Variants in SERPINB5 observed in about 807,000 individuals in gnomAD.
SERPINB5 encodes serpin family B member 5, also known as serpin B5.
Under a neutral mutation model 32.2 loss-of-function variants are expected in SERPINB5, and 27 were observed. The ratio of observed to expected loss-of-function variants is 0.84; its 90% CI spans 0.62 to 1.16. The LOEUF (loss-of-function observed/expected upper bound fraction) is 1.16. Ranked by LOEUF, SERPINB5 falls within the 50% of genes most tolerant of loss-of-function variation. The probability of loss-of-function intolerance (pLI) is 0.00; values close to 1 mark genes in which losing one functional copy is unlikely to be tolerated. For synonymous variants in SERPINB5, 154 were observed against 157.4 expected, an observed-to-expected ratio of 0.98 and a Z score of 0.16; for missense variants, 388 against 436.3, an observed-to-expected ratio of 0.89 and a Z score of 0.99.
chr18:63,488,158 G>C (rs550853887), intron 3 of SERPINB5, among the ~76,000 whole-genome samples: 75 of 152,190 alleles, frequency 4.9e-4, no homozygotes, highest in Non-Finnish European at 1.0e-3. Flanking sequence ...ATCTGGCTGA[G>C]GCTTTCTAAT....
At chr18:63,480,448 A>T (rs1038154551) in intron 1 of SERPINB5, among the ~76,000 whole-genome samples, 1 of 152,248 alleles carries the variant, frequency 6.6e-6, no homozygotes, top group Non-Finnish European at 1.5e-5. Flanking sequence ...GAATGAAAAA[A>T]AATTTGTAGC....
intron 5 of SERPINB5, among the ~76,000 whole-genome samples, chr18:63,495,019 T>G (rs1195079060): frequency 6.6e-6 from 1 of 152,192 alleles, no homozygotes; most frequent in Non-Finnish European, 1.5e-5. Context: ...CAAGACCCAT[T>G]GGGCATTTTC....
At chr18:63,503,204 T>A in intron 6 of SERPINB5, 126 bp from the exon 7 acceptor site, 3 of 1,067,708 alleles carry the variant, frequency 2.8e-6, no homozygotes, top group Non-Finnish European at 3.9e-6. Flanking sequence ...TTCTGGGCCA[T>A]CTTTGATGTT....
chr18:63,488,028 A>T (rs1367502142), intron 3 of SERPINB5, among the ~76,000 whole-genome samples: 1 of 152,156 alleles, frequency 6.6e-6, no homozygotes, highest in Non-Finnish European at 1.5e-5. Context: ...TAAAAAAAAA[A>T]ACTGAGATGT....
At chr18:63,478,067 CAGTT>C (rs1325578491) in intron 1 of SERPINB5, among the ~76,000 whole-genome samples, 37 of 152,182 alleles carry the variant, frequency 2.4e-4, no homozygotes, top group Admixed American at 2.4e-3. Context: ...CAGTCCCTGT[CAGTT>C]AGTGTAAGTG....
chr18:63,485,482 A>G (rs1248767727), intron 2 of SERPINB5: 2 of 152,126 alleles, frequency 1.3e-5, no homozygotes, highest in Admixed American at 6.5e-5. Flanking sequence ...GGCCCATAAG[A>G]GTTATTTAGG....
At position 63,498,390 on chromosome 18, in the gene SERPINB5, G is replaced by C. The variant is rs1239710181; in HGVS notation, c.568-730G>C. Among the ~76,000 whole-genome samples, 1 of 152,062 alleles carries C rather than the reference G, an allele frequency of 6.6e-6. No individual in the cohort carries two copies. The highest frequency in any genetic ancestry group is 1.9e-4 in the East Asian group (1 of 5,194). The stretch of plus-strand genomic sequence containing the variant: ...CGTGCCCAGCCAGTTTTTGAAATTA[G>C]GCATTTTATTAGGAAAAGCCGTATA... On this transcript the variant is annotated intron_variant, in intron 5 of 6. Coordinates refer to ENST00000382771, the MANE Select transcript of SERPINB5 (RefSeq NM_002639.5). This position sits in a 1 kb window ranked among gnomAD's most constrained non-coding sequence, Gnocchi z 4.2.
chr18:63,488,672 C>G (rs980024173), intron 3 of SERPINB5, among the ~76,000 whole-genome samples: 5 of 152,096 alleles, frequency 3.3e-5, no homozygotes, highest in African/African-American at 1.2e-4. Context: ...CCAGGTAGTT[C>G]TGATTAAACC....
chr18:63,480,828 T>C lies in SERPINB5; in HGVS notation c.-7-3594T>C, dbSNP rs1308215602. Among the ~76,000 whole-genome samples the C allele has an allele frequency of 3.3e-5, 5 of 152,228 alleles. No homozygotes were observed. In the South Asian group the frequency reaches 6.2e-4, roughly 19 times the overall value. On this transcript the variant is annotated intron_variant, in intron 1 of 6. Transcript: ENST00000382771. The stretch of plus-strand genomic sequence containing the variant: ...TTTTTTGCAACTACAACCTTTTCCA[T>C]GTACAGACCTTTTCTGTTTCCTTTA...
chr18:63,478,758 G>GTTTTTTTTTTTTTTTTTTTTT (rs10669993), intron 1 of SERPINB5, among the ~76,000 whole-genome samples: 6 of 135,382 alleles, frequency 4.4e-5, no homozygotes, highest in Non-Finnish European at 6.2e-5. Flanking sequence ...TAAAAACGTA[G>GTTTTTTTTTTTTTTTTTTTTT]TTTTTTTTTT....
At chr18:63,488,348 A>C (rs1262742436) in intron 3 of SERPINB5, among the ~76,000 whole-genome samples, 1 of 152,204 alleles carries the variant, frequency 6.6e-6, no homozygotes, top group Non-Finnish European at 1.5e-5. Flanking sequence ...AGTTTCACTG[A>C]ACTTCCATGC....
chr18:63,502,434 C>T (rs974474864), intron 6 of SERPINB5, among the ~76,000 whole-genome samples: 1 of 152,010 alleles, frequency 6.6e-6, no homozygotes, highest in South Asian at 2.1e-4. Context: ...TGCGCCCAGC[C>T]GCATCTCTCT....
At chr18:63,488,257 A>G (rs983098654) in intron 3 of SERPINB5, among the ~76,000 whole-genome samples, 1 of 152,206 alleles carries the variant, frequency 6.6e-6, no homozygotes, top group African/African-American at 2.4e-5. Context: ...TTAATTGGCT[A>G]AGGCTGAAGC....
rs1909502340 is a variant in SERPINB5, at chr18:63,498,730, G to A, written c.568-390G>A. On this transcript the variant is annotated intron_variant, in intron 5 of 6. Transcript: ENST00000382771. The surrounding 1 kb of genome is among the most constrained non-coding windows in gnomAD (Gnocchi z 4.2). Reference sequence around the variant, plus strand: ...TTATAAGCCATAATAATCTGACACTGTGTCAAGAGCAAATTTGTGTATATA... The same window carrying A: ...TTATAAGCCATAATAATCTGACACTATGTCAAGAGCAAATTTGTGTATATA... 6.6e-6 allele frequency among the ~76,000 whole-genome samples: 1 copy of A among 150,824 alleles called. No individual in the cohort carries two copies. Among genetic ancestry groups the A allele is most frequent in the Non-Finnish European group, 1.5e-5 (1 of 67,838 alleles).
chr18:63,484,679 G>T, intron 2 of SERPINB5, 83 bp downstream of exon 2: 1 of 1,232,240 alleles, frequency 8.1e-7, no homozygotes, highest in Non-Finnish European at 1.1e-6. Context: ...AAAAAGGAAT[G>T]TAGACTTTGT....
chr18:63,497,717 T>C (rs1909481315), intron 5 of SERPINB5, among the ~76,000 whole-genome samples: 1 of 152,222 alleles, frequency 6.6e-6, no homozygotes, highest in Non-Finnish European at 1.5e-5. Flanking sequence ...ATTTCAGATA[T>C]TTTAAAGAAA....
chr18:63,479,460 G>A (rs1599386085), intron 1 of SERPINB5, among the ~76,000 whole-genome samples: 1 of 152,088 alleles, frequency 6.6e-6, no homozygotes, highest in Non-Finnish European at 1.5e-5. Context: ...CATTCACTGG[G>A]GCCTCTCTGA....
chr18:63,481,497 G>A (rs549580443), intron 1 of SERPINB5, among the ~76,000 whole-genome samples: 24 of 152,334 alleles, frequency 1.6e-4, no homozygotes, highest in African/African-American at 5.8e-4. Context: ...CAGTTTGTGT[G>A]TTTTCATATT....
chr18:63,480,158 C>T (rs1044996070), intron 1 of SERPINB5, among the ~76,000 whole-genome samples: 13 of 152,188 alleles, frequency 8.5e-5, no homozygotes, highest in African/African-American at 2.9e-4. Flanking sequence ...TGTGGCCAGC[C>T]TAGATCCTCT....
Sources: allele counts gnomAD v4.1 joint callset (sites outside exome capture counted in the v4.1 genomes callset), GRCh38; gene constraint gnomAD v4.1.1; non-coding constraint Gnocchi (gnomAD v3.1); transcripts MANE v1.5; gene names NCBI Gene and HGNC (gene_info 2026-07-23, HGNC 2026-07-21).